The following SUMF1 variants were observed in gnomAD, a reference collection of about 807,000 sequenced individuals.
SUMF1 encodes the protein formylglycine-generating enzyme.
Under a neutral mutation model 47.6 loss-of-function variants are expected in SUMF1, and 48 were observed. The observed-to-expected ratio is 1.01, with a 90% CI of 0.80 to 1.28. The LOEUF is 1.28. SUMF1 is among the 50% of genes most tolerant of loss of function. SUMF1 has a pLI of 0.00. For missense variants in SUMF1, 571 were observed against 485.4 expected, an observed-to-expected ratio of 1.18 and a Z score of -1.66; for synonymous variants, 230 against 192.1, an observed-to-expected ratio of 1.20 and a Z score of -1.63.
chr3:4,200,644 A>T (rs561221552), intron 8 of SUMF1, among the ~76,000 whole-genome samples: 7 of 152,220 alleles, frequency 4.6e-5, no homozygotes, highest in African/African-American at 1.7e-4. Flanking sequence ...TAGCGTGCAG[A>T]TGGCCTATCA....
chr3:4,452,348 G>C (rs2125132352), intron 2 of SUMF1, among the ~76,000 whole-genome samples: 1 of 152,288 alleles, frequency 6.6e-6, no homozygotes, highest in Non-Finnish European at 1.5e-5. Flanking sequence ...GTCTGGAACT[G>C]CTATAGCACA....
chr3:4,261,773 T>A (rs904029001), intron 8 of SUMF1, among the ~76,000 whole-genome samples: 1 of 152,184 alleles, frequency 6.6e-6, no homozygotes, highest in African/African-American at 2.4e-5. Context: ...AAGACCAGCA[T>A]CAGTGCCACG....
chr3:4,170,276 T>G (rs937031261), intron 8 of SUMF1, among the ~76,000 whole-genome samples: 3 of 152,148 alleles, frequency 2.0e-5, no homozygotes, highest in Admixed American at 2.0e-4. Context: ...ATGATCTATA[T>G]CAATGGTTCT....
intron 6 of SUMF1, among the ~76,000 whole-genome samples, chr3:4,413,157 A>C (rs564489795): frequency 6.6e-6 from 1 of 152,086 alleles, no homozygotes; most frequent in South Asian, 2.1e-4. Context: ...GGTGTGCACC[A>C]CCACAACCGA....
intron 3 of SUMF1, among the ~76,000 whole-genome samples, chr3:4,440,146 GA>G (rs1191151052): frequency 4.7e-5 from 7 of 148,058 alleles, no homozygotes; most frequent in African/African-American, 1.7e-4. Context: ...TGAGGCAGGA[GA>G]ATCACTTGAA....
At chr3:4,442,773 T>C (rs1452702902) in intron 3 of SUMF1, among the ~76,000 whole-genome samples, 2 of 152,010 alleles carry the variant, frequency 1.3e-5, no homozygotes, top group African/African-American at 4.8e-5. Context: ...TCAGTGAAGT[T>C]ACAAAGCTAC....
rs79662640 is a variant in SUMF1 at position 4,385,209 on chromosome 3, C to T, written c.955-8820G>A. Among the ~76,000 whole-genome samples, 9 of 152,240 alleles carry T rather than the reference C, an allele frequency of 5.9e-5. No individual in the cohort carries two copies. In the East Asian group the frequency reaches 1.2e-3, roughly 20 times the overall value. On this transcript the variant is annotated intron_variant, in intron 7 of 8. Transcript: ENST00000272902. ...CTGAATGTTTAGGTTTTAAAGAAAACGTCAAATTGTTTTCCAGAATGGCTG... is the reference window on the plus strand; with the variant it reads ...CTGAATGTTTAGGTTTTAAAGAAAATGTCAAATTGTTTTCCAGAATGGCTG...
chr3:4,412,307 G>C (rs571065134), intron 6 of SUMF1, among the ~76,000 whole-genome samples: 1 of 152,272 alleles, frequency 6.6e-6, no homozygotes, highest in Admixed American at 6.5e-5. Context: ...GGATGAGTAG[G>C]GTAAGAGAGG....
intron 7 of SUMF1, among the ~76,000 whole-genome samples, chr3:4,407,023 G>T (rs978416292): frequency 6.6e-6 from 1 of 151,984 alleles, no homozygotes; most frequent in Non-Finnish European, 1.5e-5. Context: ...TTACTAGGTT[G>T]TATCTGTGAG....
At chr3:4,302,486 C>G (rs1697993948) in intron 8 of SUMF1, among the ~76,000 whole-genome samples, 1 of 140,666 alleles carries the variant, frequency 7.1e-6, no homozygotes. Context: ...TTTCAGAGAA[C>G]AGATTGTAAA....
rs991551308 is a variant in SUMF1, at chr3:4,235,329, G to C, written c.1014+141001C>G. ...ATGTGGCAGATTAACAAGTTCTAGG[G>C]GTAAGGATAAATACAGTTTTGAATT... On this transcript the variant is annotated intron_variant and NMD_transcript_variant, in intron 8 of 12. Coordinates refer to the SUMF1 transcript ENST00000448413. 9.2e-5 allele frequency among the ~76,000 whole-genome samples: 14 copies of C among 151,952 alleles called. 1 individual carries two copies. The highest frequency in any genetic ancestry group is 5.9e-5 in the Non-Finnish European group (4 of 67,976).
At chr3:4,443,778 GA>G (rs1174607417) in intron 3 of SUMF1, among the ~76,000 whole-genome samples, 61 of 150,634 alleles carry the variant, frequency 4.0e-4, no homozygotes, top group Non-Finnish European at 7.0e-4. Flanking sequence ...AAAAGAAAAA[GA>G]AAAAAGAGAG....
rs577842422 is a variant in SUMF1, at chr3:4,151,501, ATG to A, written c.1015-82758_1015-82757del. ...TATATATGTGTATATATACGTATAT[ATG>A]TGTATATGTATACGTATATATGTAT... On this transcript the variant is annotated intron_variant and NMD_transcript_variant, in intron 8 of 12. Coordinates refer to the SUMF1 transcript ENST00000448413. Among the ~76,000 whole-genome samples the A allele has an allele frequency of 1.5e-3, 217 of 145,912 alleles. 7 individuals carry two copies. Among genetic ancestry groups the A allele is most frequent in the African/African-American group, 4.3e-3 (169 of 39,214 alleles).
At chr3:4,051,463 G>A (rs1163283620) in intron 9 of SUMF1, among the ~76,000 whole-genome samples, 1 of 152,078 alleles carries the variant, frequency 6.6e-6, no homozygotes, top group Non-Finnish European at 1.5e-5. Context: ...CCAAGGAGCT[G>A]TAAAGGAAAA....
intron 8 of SUMF1, chr3:4,316,886 G>C (rs939715434): frequency 2.6e-6 from 4 of 1,549,370 alleles, no homozygotes; most frequent in Middle Eastern, 2.3e-4. Flanking sequence ...AAATCGATGA[G>C]ATGAACCAAA....
At chr3:4,358,350 A>T (rs967891090), downstream of SUMF1, among the ~76,000 whole-genome samples, 5 of 141,396 alleles carry the variant, frequency 3.5e-5, no homozygotes, top group African/African-American at 8.8e-5. Flanking sequence ...TCTAGATGTA[A>T]GAGTTCCTAA....
intron 8 of SUMF1, among the ~76,000 whole-genome samples, chr3:4,145,161 C>G (rs970171265): frequency 2.9e-5 from 4 of 140,268 alleles, no homozygotes; most frequent in Non-Finnish European, 1.5e-5. Flanking sequence ...CCACTGCACT[C>G]TAGCCTGGGC....
At position 4,264,131 on chromosome 3, in the gene SUMF1, C is replaced by T. The variant is rs141255675; in HGVS notation, c.1014+112199G>A. On this transcript the variant is annotated intron_variant and NMD_transcript_variant, in intron 8 of 12. Transcript: ENST00000448413. ...TCTAAGAATGAAACTGAGCTCTCCT[C>T]GCTATAATCTGACTTCAGCAATCAT... Among the ~76,000 whole-genome samples, 15 of 152,260 alleles carry T rather than the reference C, an allele frequency of 9.9e-5. No homozygotes were observed. The East Asian group carries it at 1.5e-3, about 16-fold the overall frequency.
At chr3:4,406,615 G>C (rs1016963283) in intron 7 of SUMF1, among the ~76,000 whole-genome samples, 8 of 152,176 alleles carry the variant, frequency 5.3e-5, no homozygotes, top group Non-Finnish European at 1.5e-5. Context: ...AGCCAAGACT[G>C]TGCCACTGCA....
Sources: allele counts gnomAD v4.1 joint callset (sites outside exome capture counted in the v4.1 genomes callset), GRCh38; gene constraint gnomAD v4.1.1; transcripts MANE v1.5; gene names NCBI Gene and HGNC (gene_info 2026-07-23, HGNC 2026-07-21).